Variants in IARS1 observed in about 807,000 individuals in gnomAD.
IARS1 encodes isoleucine--tRNA ligase, cytoplasmic.
IARS1 carries 124 observed loss-of-function variants against 168.2 expected under a neutral mutation model. The observed-to-expected ratio is 0.74, with a 90% CI of 0.64 to 0.86. The LOEUF (loss-of-function observed/expected upper bound fraction) is 0.86, where lower values mean the gene tolerates loss of function less well. Ranked by LOEUF, IARS1 falls within the 40% of genes least tolerant of loss-of-function variation. IARS1 has a pLI of 0.00. For missense variants in IARS1, 1,452 were observed against 1,515.8 expected (o/e 0.96, Z 0.70); for synonymous variants, 532 against 529.4 (o/e 1.00, Z -0.07).
At chr9:92,255,954 T>C (rs1830654904) in intron 20 of IARS1, among the ~76,000 whole-genome samples, 1 of 152,156 alleles carries the variant, frequency 6.6e-6, no homozygotes, top group South Asian at 2.1e-4. Context: ...ATATGACTAT[T>C]ACACACTGTA....
intron 19 of IARS1, 56 bp downstream of exon 19, chr9:92,258,798 G>A (rs1224357295): frequency 2.0e-6 from 3 of 1,497,976 alleles, no homozygotes; most frequent in African/African-American, 1.4e-5. Context: ...ACAGCTTGGT[G>A]AAGGGAGCGC....
At chr9:92,229,916 G>C (rs1022013145) in intron 30 of IARS1, among the ~76,000 whole-genome samples, 1 of 152,128 alleles carries the variant, frequency 6.6e-6, no homozygotes, top group Non-Finnish European at 1.5e-5. Flanking sequence ...AAGATACAGA[G>C]TAGTTCTGCC....
chr9:92,223,842 C>T (rs1039841948), intron 31 of IARS1, among the ~76,000 whole-genome samples: 13 of 152,166 alleles, frequency 8.5e-5, no homozygotes, highest in African/African-American at 2.9e-4. Context: ...GTGCTAATTA[C>T]AGTCAGAAGA....
Position 92,271,551 on chromosome 9 carries a change from G to T in IARS1, c.1095C>A (p.Phe365Leu). ...TACAGACCTTCACATACTGTCCTGCGAAATCTGTCACCTCCGTTGTGAAGC... is the reference window on the plus strand; with the variant it reads ...TACAGACCTTCACATACTGTCCTGCTAAATCTGTCACCTCCGTTGTGAAGC... Reference protein sequence around the residue: ...SGCFTTEVTDFAGQYVKDADK... With the variant: ...SGCFTTEVTDLAGQYVKDADK... Residue 365 changes from phenylalanine to leucine, a missense_variant, in exon 11 of 34, where the codon TTC becomes TTA. Phe to Leu is a conservative substitution (Grantham distance 22, BLOSUM62 0). Transcript: ENST00000443024. 1 of 1,614,024 alleles carries T rather than the reference G, an allele frequency of 6.2e-7. No individual in the cohort carries two copies. The highest frequency in any genetic ancestry group is 2.2e-5 in the East Asian group (1 of 44,878).
intron 30 of IARS1, among the ~76,000 whole-genome samples, chr9:92,233,412 T>C (rs933947427): frequency 4.6e-5 from 7 of 152,250 alleles, no homozygotes; most frequent in South Asian, 2.1e-4. Flanking sequence ...CTGAAAACTA[T>C]TGTAAGCAAC....
intron 30 of IARS1, among the ~76,000 whole-genome samples, chr9:92,232,685 GC>G (rs1190871169): frequency 6.6e-6 from 1 of 152,116 alleles, no homozygotes; most frequent in Non-Finnish European, 1.5e-5. Flanking sequence ...AAATTAATAA[GC>G]CTTAATAATA....
At chr9:92,224,563 C>T (rs748315263) in intron 31 of IARS1, among the ~76,000 whole-genome samples, 1 of 152,160 alleles carries the variant, frequency 6.6e-6, no homozygotes, top group Non-Finnish European at 1.5e-5. Context: ...TGAGGCTGGG[C>T]ACAGTGGCTC....
chr9:92,250,900 T>A, intron 22 of IARS1, 66 bp from the exon 23 acceptor site: 1 of 1,507,240 alleles, frequency 6.6e-7, no homozygotes, highest in Non-Finnish European at 8.9e-7. Flanking sequence ...TCATTTATAC[T>A]GAGAAACAAC....
At chr9:92,222,804 G>A (rs1420144164) in intron 32 of IARS1, 132 bp from the exon 33 acceptor site, 11 of 699,138 alleles carry the variant, frequency 1.6e-5, no homozygotes, top group Admixed American at 5.6e-5. Flanking sequence ...GAGTGTGACC[G>A]CTGAAGATGC....
rs1186075221 is a variant in IARS1 at position 92,286,592 on chromosome 9, C to T, written c.423G>A (p.Trp141Ter). The T allele has an allele frequency of 2.1e-5, 34 of 1,594,772 alleles. No individual in the cohort carries two copies. The highest frequency in any genetic ancestry group is 2.8e-5 in the Non-Finnish European group (33 of 1,162,642). ...WKSTVSRLGR[W>*]IDFDNDYKTL... ...TTTTATAGTCATTGTCAAAGTCAAT[C>T]CATCGGCCAAGTCTGCTAACAGTAG... is the stretch of plus-strand genomic sequence containing the variant. Residue 141 changes from tryptophan (W) to a stop codon, truncating the protein, a stop_gained, in exon 5 of 34, where the codon TGG becomes TGA. Coordinates refer to ENST00000443024, the MANE Select transcript of IARS1 (RefSeq NM_002161.6). LOFTEE classifies it high-confidence loss of function.
rs897242836 is a variant in IARS1, at chr9:92,251,985, C to A, written c.2230-100G>T. Reference sequence around the variant, plus strand: ...AAAGAGGCAATCTTCAAAGAACATGCAGCATACAGACAAGACATGAGACAG... The same window carrying A: ...AAAGAGGCAATCTTCAAAGAACATGAAGCATACAGACAAGACATGAGACAG... On this transcript the variant is annotated intron_variant, in intron 21 of 33. Coordinates refer to ENST00000443024, the MANE Select transcript of IARS1 (RefSeq NM_002161.6). 8.4e-6 allele frequency: 7 copies of A among 834,016 alleles called. No homozygotes were observed. In the African/African-American group the frequency reaches 1.2e-4, roughly 14 times the overall value. The allele number at this position is 834,016 out of a possible 1,614,324, so 51.7% of individuals were successfully genotyped here.
At chr9:92,242,399 G>T in intron 28 of IARS1, 69 bp from the exon 29 acceptor site, 1 of 1,231,876 alleles carries the variant, frequency 8.1e-7, no homozygotes, top group Non-Finnish European at 1.1e-6. Context: ...GGAAGGTACT[G>T]TTGAACAAGG....
Position 92,210,868 on chromosome 9 carries a change from A to G in IARS1, c.3728T>C (p.Val1243Ala), listed in dbSNP as rs1270850605. ...CACAGTCTTCATATTCAAAGTCTTC[A>G]CGGGGATGTCTTCTGTAATTTCTAG... is the stretch of plus-strand genomic sequence containing the variant. ...QTQEITEDIP[V>A]KTLNMKTVYV... Residue 1243 changes from valine to alanine, a missense_variant, in exon 34 of 34, where the codon GTG becomes GCG. Physicochemically the swap from Val to Ala is moderately conservative, Grantham distance 64 (BLOSUM62 0). Coordinates refer to ENST00000443024, the MANE Select transcript of IARS1 (RefSeq NM_002161.6). 1 of 1,608,742 alleles carries G rather than the reference A, an allele frequency of 6.2e-7. No homozygotes were observed. The highest frequency in any genetic ancestry group is 1.1e-5 in the South Asian group (1 of 90,958).
intron 18 of IARS1, among the ~76,000 whole-genome samples, chr9:92,259,653 T>G (rs967817491): frequency 1.3e-5 from 2 of 152,188 alleles, no homozygotes; most frequent in African/African-American, 4.8e-5. Flanking sequence ...GAACAAGATC[T>G]CTAGGTCCCT....
rs1462838222 is a variant in IARS1, at chr9:92,210,586, A to G, written c.*221T>C. On this transcript the variant is annotated 3_prime_UTR_variant, in exon 34 of 34. Transcript: ENST00000443024. ...GAAGTAACATTGTAACCTGCTCCCAACATGACTGCATAGGTGTCTAAGGTT... is the reference window on the plus strand; with the variant it reads ...GAAGTAACATTGTAACCTGCTCCCAGCATGACTGCATAGGTGTCTAAGGTT... 1 of 452,988 alleles carries G rather than the reference A, an allele frequency of 2.2e-6. No homozygotes were observed. Among genetic ancestry groups the G allele is most frequent in the African/African-American group, 2.0e-5 (1 of 50,902 alleles). 28.1% of individuals were successfully genotyped at this position (452,988 alleles called of 1,614,324 possible). A position where few individuals can be genotyped will look rare whatever the true frequency, so the allele number is the denominator to read the frequency against.
At chr9:92,249,427 C>A (rs1006365757) in intron 25 of IARS1, among the ~76,000 whole-genome samples, 2 of 152,092 alleles carry the variant, frequency 1.3e-5, no homozygotes, top group African/African-American at 4.8e-5. Flanking sequence ...GTGGCGGGTG[C>A]CTGTAATCCC....
chr9:92,221,078 A>G (rs1389794459), intron 33 of IARS1, among the ~76,000 whole-genome samples: 1 of 152,226 alleles, frequency 6.6e-6, no homozygotes, highest in Non-Finnish European at 1.5e-5. Context: ...GTAAAAGACA[A>G]AGGGAAAATC....
At chr9:92,240,610 T>A (rs1456709540) in intron 30 of IARS1, 5 of 702,012 alleles carry the variant, frequency 7.1e-6, no homozygotes, top group Admixed American at 4.3e-5. Flanking sequence ...GCAAGGTTAG[T>A]CTTGAACTCT....
At position 92,229,091 on chromosome 9, in the gene IARS1, T is replaced by C. The variant is rs946933595; in HGVS notation, c.3319A>G (p.Asn1107Asp). 5.0e-6 allele frequency: 8 copies of C among 1,614,032 alleles called. No homozygotes were observed. Among genetic ancestry groups the C allele is most frequent in the Non-Finnish European group, 6.8e-6 (8 of 1,179,988 alleles). Residue 1107 changes from asparagine (N) to aspartate (D), a missense_variant, in exon 31 of 34, where the codon AAT becomes GAT. Asn to Asp is a conservative substitution (Grantham distance 23, BLOSUM62 1). Coordinates refer to ENST00000443024, the MANE Select transcript of IARS1 (RefSeq NM_002161.6). The stretch of plus-strand genomic sequence containing the variant: ...TTCAGCTTTAAAAGGTCCAACCTAT[T>C]GTCACCTTTTGGATTTTCCAGGAGC... ...VLLLENPKGD[N>D]RLDLLKLKSV...
Sources: allele counts gnomAD v4.1 joint callset (sites outside exome capture counted in the v4.1 genomes callset), GRCh38; gene constraint gnomAD v4.1.1; transcripts MANE v1.5; gene names NCBI Gene and HGNC (gene_info 2026-07-23, HGNC 2026-07-21).